Variants in CIT observed in about 807,000 individuals in gnomAD.
CIT encodes citron Rho-interacting kinase.
A neutral mutation model predicts 272.7 loss-of-function variants in CIT; 79 were observed. That is an observed-to-expected ratio of 0.29 (90% confidence interval 0.24 to 0.35). The LOEUF is 0.35. Among genes scored for constraint, CIT ranks in the 10% least tolerant of loss-of-function variants. CIT has a pLI of 1.00. For missense variants in CIT, 1,909 were observed against 2,618.3 expected, an observed-to-expected ratio of 0.73 and a Z score of 5.91; for synonymous variants, 948 against 995.6, an observed-to-expected ratio of 0.95 and a Z score of 0.90.
chr12:119,825,460 C>G, intron 7 of CIT, 92 bp from the exon 8 acceptor site: 1 of 1,159,510 alleles, frequency 8.6e-7, no homozygotes. Context: ...AGCTGATTTG[C>G]CACTGATTAC....
chr12:119,767,275 G>T, intron 18 of CIT, 93 bp from the exon 19 acceptor site: 1 of 941,162 alleles, frequency 1.1e-6, no homozygotes, highest in Non-Finnish European at 1.6e-6. Context: ...TTTGGTACAG[G>T]TACCACAGGT....
chr12:119,716,378 CAAAAAAAAAAAAAA>C lies in CIT; in HGVS notation c.4168+1853_4168+1866del, dbSNP rs35690078. 1.9e-3 allele frequency among the ~76,000 whole-genome samples: 33 copies of C among 17,796 alleles called. 1 individual carries two copies. The highest frequency in any genetic ancestry group is 1.5e-3 in the Non-Finnish European group (15 of 10,100). The allele number at this position is 17,796 out of a possible 152,430, so 11.7% of individuals were successfully genotyped here. Reference sequence around the variant, plus strand: ...TGGGCGACAGAGCGAGACTCTGTCTCAAAAAAAAAAAAAAAAAAAAAAAAAAAAAAAAAAAAGTA... The same window carrying C: ...TGGGCGACAGAGCGAGACTCTGTCTCAAAAAAAAAAAAAAAAAAAAAAGTA... On this transcript the variant is annotated intron_variant, in intron 32 of 47. Transcript: ENST00000392521.
intron 5 of CIT, among the ~76,000 whole-genome samples, chr12:119,835,040 C>T (rs1436720951): frequency 2.0e-5 from 3 of 152,300 alleles, no homozygotes; most frequent in Admixed American, 6.5e-5. Flanking sequence ...GGAATTATTA[C>T]ATGTGTTGGT....
chr12:119,773,121 C>A (rs1204493140), intron 16 of CIT, among the ~76,000 whole-genome samples: 3 of 151,342 alleles, frequency 2.0e-5, no homozygotes, highest in Non-Finnish European at 4.4e-5. Context: ...TTCTATATTT[C>A]ATTATTCTAA....
chr12:119,830,025 A>G (rs1381895417), intron 7 of CIT, among the ~76,000 whole-genome samples: 1 of 151,670 alleles, frequency 6.6e-6, no homozygotes, highest in East Asian at 1.9e-4. Context: ...GCCTACAGAC[A>G]TTTCATTTAA....
Position 119,730,569 on chromosome 12 carries a change from G to C in CIT, c.3412C>G (p.His1138Asp). 2 of 1,614,126 alleles carry C rather than the reference G, an allele frequency of 1.2e-6. No individual in the cohort carries two copies. The highest frequency in any genetic ancestry group is 2.2e-5 in the South Asian group (2 of 91,072). Residue 1138 changes from histidine (H) to aspartate (D), a missense_variant, in exon 27 of 48, where the codon CAC becomes GAC. Coordinates refer to ENST00000392521, the MANE Select transcript of CIT (RefSeq NM_001206999.2). ...RQVVELAVKE[H>D]KAEILALQQA... ...TGCAGAGCGAGAATCTCAGCCTTGT[G>C]CTCCTTCACTGCCAGCTCCACCACC...
At chr12:119,844,589 G>C (rs967038390) in intron 5 of CIT, among the ~76,000 whole-genome samples, 1 of 152,156 alleles carries the variant, frequency 6.6e-6, no homozygotes, top group African/African-American at 2.4e-5. Context: ...GCAGACGTAT[G>C]AGCATATCTT....
At chr12:119,802,525 T>C (rs1966286111) in intron 10 of CIT, among the ~76,000 whole-genome samples, 1 of 152,182 alleles carries the variant, frequency 6.6e-6, no homozygotes, top group African/African-American at 2.4e-5. Context: ...TTTTTCCCCC[T>C]ATGAAGCCCA....
Position 119,834,245 on chromosome 12 carries a change from A to C in CIT, c.517-17T>G, listed in dbSNP as rs1310950777. The C allele has an allele frequency of 6.4e-7, 1 of 1,573,728 alleles. No individual in the cohort carries two copies. The highest frequency in any genetic ancestry group is 8.6e-7 in the Non-Finnish European group (1 of 1,163,050). On this transcript the variant is annotated splice_polypyrimidine_tract_variant and intron_variant, in intron 5 of 47. Coordinates refer to ENST00000392521, the MANE Select transcript of CIT (RefSeq NM_001206999.2). The stretch of plus-strand genomic sequence containing the variant: ...TTCCATGACCTGTATAGAATGCCAA[A>C]GTTATTAATTCTTCACACACCCAAA...
intron 22 of CIT, among the ~76,000 whole-genome samples, chr12:119,757,117 T>TAAA (rs367882787): frequency 1.5e-5 from 2 of 132,408 alleles, no homozygotes; most frequent in Admixed American, 7.7e-5. Flanking sequence ...AAGACTCTCT[T>TAAA]AAAAAAAAAA....
intron 24 of CIT, among the ~76,000 whole-genome samples, chr12:119,738,885 A>AG (rs1161627450): frequency 1.0e-4 from 5 of 49,122 alleles, no homozygotes; most frequent in African/African-American, 4.6e-4. Context: ...CTCAATCTCC[A>AG]GAAAAAAAAA....
chr12:119,714,206 T>C lies in CIT; in HGVS notation c.4297A>G (p.Lys1433Glu), dbSNP rs771506517. 13 of 1,614,116 alleles carry C rather than the reference T, an allele frequency of 8.1e-6. No individual in the cohort carries two copies. In the East Asian group the frequency reaches 2.7e-4, roughly 33 times the overall value. Residue 1433 changes from lysine (K) to glutamate (E), a missense_variant, in exon 33 of 48, where the codon AAA (lysine) becomes GAA (glutamate). Lys to Glu is a moderately conservative substitution (Grantham distance 56). Transcript: ENST00000392521. ...DTVHFGRQAS[K>E]CLECQVMCHP... Reference sequence around the variant, plus strand: ...CAACTACTGATCTTACCGAGACATTTGGATGCCTGGCGTCCAAAGTGCACG... The same window carrying C: ...CAACTACTGATCTTACCGAGACATTCGGATGCCTGGCGTCCAAAGTGCACG...
At position 119,857,581 on chromosome 12, in the gene CIT, G is replaced by A. The variant is rs758960497; in HGVS notation, c.356C>T (p.Thr119Ile). The A allele has an allele frequency of 5.6e-6, 9 of 1,613,982 alleles. No homozygotes were observed. The African/African-American group carries it at 1.1e-4, about 19-fold the overall frequency. The change falls in exon 4 of 48, where the codon ACC (threonine) becomes ATC (isoleucine). Residue 119 changes from threonine (T) to isoleucine (I), a missense_variant. Thr to Ile is a moderately conservative substitution (Grantham distance 89). This residue lies in a region of CIT where 529 missense variants were observed against 549.6 expected (regional missense o/e 0.96). Coordinates refer to ENST00000392521, the MANE Select transcript of CIT (RefSeq NM_001206999.2). ...CACTTTCATAGCATAGATGTCCCCGGTTGCTTTCTCTCTTACCACCTGCAC... is the reference window on the plus strand; with the variant it reads ...CACTTTCATAGCATAGATGTCCCCGATTGCTTTCTCTCTTACCACCTGCAC... The part of the protein sequence containing the change: ...AEVQVVREKA[T>I]GDIYAMKVMK...
At chr12:119,871,674 C>A (rs556019137) in intron 2 of CIT, among the ~76,000 whole-genome samples, 1 of 152,010 alleles carries the variant, frequency 6.6e-6, no homozygotes, top group Admixed American at 6.6e-5. Context: ...GGCAACACAG[C>A]GAGATCCCAT....
At chr12:119,846,860 A>G (rs1328923611) in intron 5 of CIT, among the ~76,000 whole-genome samples, 1 of 152,022 alleles carries the variant, frequency 6.6e-6, no homozygotes, top group Non-Finnish European at 1.5e-5. Context: ...AGCTATGATC[A>G]TGCCACTGCA....
chr12:119,820,798 G>A (rs978626811), intron 9 of CIT, among the ~76,000 whole-genome samples: 6 of 151,604 alleles, frequency 4.0e-5, no homozygotes, highest in African/African-American at 7.3e-5. Flanking sequence ...TGGTGAAACC[G>A]CGTCTCTACA....
intron 10 of CIT, among the ~76,000 whole-genome samples, chr12:119,787,865 A>G (rs1042884765): frequency 1.3e-5 from 2 of 152,174 alleles, no homozygotes; most frequent in African/African-American, 4.8e-5. Context: ...ACCTACTTCA[A>G]AGAGTTCTTG....
intron 27 of CIT, among the ~76,000 whole-genome samples, chr12:119,729,722 C>T (rs1958324835): frequency 6.6e-6 from 1 of 152,114 alleles, no homozygotes; most frequent in Non-Finnish European, 1.5e-5. Flanking sequence ...TCTGTGGTTT[C>T]TATATTTTCC....
At chr12:119,808,281 C>T (rs1966723247) in intron 9 of CIT, among the ~76,000 whole-genome samples, 1 of 152,180 alleles carries the variant, frequency 6.6e-6, no homozygotes, top group Admixed American at 6.5e-5. Context: ...CTCCTTTGAG[C>T]TCCAGCTGCC....
Sources: gnomAD v4.1 joint callset for allele counts (sites outside exome capture counted in the v4.1 genomes callset) on GRCh38, gnomAD v4.1.1 for gene constraint, gnomAD v4.1.1 regional missense constraint, MANE v1.5 for transcripts, NCBI Gene and HGNC (gene_info 2026-07-23, HGNC 2026-07-21) for gene names.